Variants in CHIT1 observed in about 807,000 individuals in gnomAD.
The protein encoded by CHIT1 is chitotriosidase-1.
A neutral mutation model predicts 52.0 loss-of-function variants in CHIT1; 47 were observed. The observed-to-expected ratio is 0.90, with a 90% CI of 0.71 to 1.15. The LOEUF (loss-of-function observed/expected upper bound fraction) is 1.15, where lower values mean the gene tolerates loss of function less well. CHIT1 is among the 50% of genes most tolerant of loss of function. The pLI, the probability that CHIT1 is intolerant of heterozygous loss-of-function variation, is 0.00. For missense variants in CHIT1, 569 were observed against 583.0 expected (o/e 0.98, Z 0.25); for synonymous variants, 242 against 228.2 (o/e 1.06, Z -0.54).
intron 7 of CHIT1, among the ~76,000 whole-genome samples, chr1:203,221,744 G>A (rs958065734): frequency 6.6e-6 from 1 of 152,226 alleles, no homozygotes; most frequent in Non-Finnish European, 1.5e-5. Flanking sequence ...GGTGCTGGGA[G>A]TACTTCCACC....
At chr1:203,228,675 C>A in intron 1 of CHIT1, 113 bp from the exon 2 acceptor site, 1 of 1,242,404 alleles carries the variant, frequency 8.0e-7, no homozygotes, top group Non-Finnish European at 1.2e-6. Flanking sequence ...TCATACAAAT[C>A]AAGCTTTCTC....
In CHIT1 at chr1:203,223,620, AG is replaced by A. The variant is rs1656822281; in HGVS notation, c.354del (p.Phe119LeufsTer32). 1.2e-6 allele frequency: 2 copies of A among 1,614,224 alleles called. No individual in the cohort carries two copies. Among genetic ancestry groups the A allele is most frequent in the Non-Finnish European group, 1.7e-6 (2 of 1,180,034 alleles). The part of the protein sequence containing the change: ...DMVATANNRQ[T>X]FVNSAIRFLR... ...AGAAACCTGATGGCCGAGTTGACAA[AG>A]GTCTGACGGTTGTTGGCCGTGGCTA... On this transcript the variant is annotated frameshift_variant, in exon 5 of 11. Transcript: ENST00000367229. LOFTEE classifies it high-confidence loss of function.
rs142943229 is a variant in CHIT1, at chr1:203,218,096, G to A, written c.1030-231C>T. ...TTGTCTTAACGTAAGCATGACCTGGGGTGGGGTGGGTGCAGTCGGGAGGAA... is the reference window on the plus strand; with the variant it reads ...TTGTCTTAACGTAAGCATGACCTGGAGTGGGGTGGGTGCAGTCGGGAGGAA... On this transcript the variant is annotated intron_variant, in intron 9 of 10. Transcript: ENST00000367229. 1,368 of 1,492,518 alleles carry A rather than the reference G, an allele frequency of 9.2e-4. 4 individuals are homozygous for A. Among genetic ancestry groups the A allele is most frequent in the Non-Finnish European group, 1.1e-3 (1,275 of 1,120,810 alleles). 92.5% of individuals were successfully genotyped at this position (1,492,518 alleles called of 1,614,324 possible). A position where few individuals can be genotyped will look rare whatever the true frequency, so the allele number is the denominator to read the frequency against.
At chr1:203,226,463 G>A (rs1349110379) in intron 2 of CHIT1, among the ~76,000 whole-genome samples, 1 of 152,228 alleles carries the variant, frequency 6.6e-6, no homozygotes, top group Non-Finnish European at 1.5e-5. Flanking sequence ...AGAATACTTC[G>A]TTAAAATGCA....
chr1:203,216,999 G>A lies in CHIT1; in HGVS notation c.1291C>T (p.Pro431Ser), dbSNP rs1209749036. Residue 431 changes from proline (P) to serine (S), a missense_variant, in exon 11 of 11, where the codon CCT becomes TCT. Coordinates refer to ENST00000367229, the MANE Select transcript of CHIT1 (RefSeq NM_003465.3). ...QGKADGLYPN[P>S]RERSSFYSCA... ...CTGTAGAAGCTGGACCGTTCCCGAGGATTGGGATAGAGCCCATCAGCTTTG... is the reference window on the plus strand; with the variant it reads ...CTGTAGAAGCTGGACCGTTCCCGAGAATTGGGATAGAGCCCATCAGCTTTG... 1 of 1,614,182 alleles carries A rather than the reference G, an allele frequency of 6.2e-7. No individual in the cohort carries two copies. Among genetic ancestry groups the A allele is most frequent in the Non-Finnish European group, 8.5e-7 (1 of 1,180,000 alleles).
intron 7 of CHIT1, among the ~76,000 whole-genome samples, chr1:203,221,797 C>G (rs969628090): frequency 8.5e-5 from 13 of 152,212 alleles, no homozygotes; most frequent in African/African-American, 2.7e-4. Flanking sequence ...GGGAAAGCTC[C>G]TGTCCCTGAA....
intron 4 of CHIT1, among the ~76,000 whole-genome samples, chr1:203,224,454 C>G (rs1393475158): frequency 6.6e-6 from 1 of 152,058 alleles, no homozygotes; most frequent in Non-Finnish European, 1.5e-5. Flanking sequence ...CATCAGATTC[C>G]CAAAAGGGTT....
chr1:203,229,592 C>A lies in CHIT1; in HGVS notation c.25+20G>T, dbSNP rs755075956. 5 of 1,613,812 alleles carry A rather than the reference C, an allele frequency of 3.1e-6. No homozygotes were observed. The highest frequency in any genetic ancestry group is 4.2e-6 in the Non-Finnish European group (5 of 1,179,918). On this transcript the variant is annotated intron_variant, in intron 1 of 10. Coordinates refer to ENST00000367229, the MANE Select transcript of CHIT1 (RefSeq NM_003465.3). ...CCTCCCCACAGCTCCCGAGACCCAG[C>A]CCACTATCCGACGGCTCACCTGCCC...
At chr1:203,217,512 CA>C in intron 10 of CHIT1, 2 of 1,104,612 alleles carry the variant, frequency 1.8e-6, no homozygotes, top group Non-Finnish European at 2.6e-6. Flanking sequence ...ACGGTTACAA[CA>C]ACCCTGGGCA....
At position 203,216,683 on chromosome 1, in the gene CHIT1, C is replaced by T; in HGVS notation, c.*206G>A. 1.4e-6 allele frequency: 1 copy of T among 700,248 alleles called. No homozygotes were observed. Among genetic ancestry groups the T allele is most frequent in the South Asian group, 1.5e-5 (1 of 67,296 alleles). 43.4% of individuals were successfully genotyped at this position (700,248 alleles called of 1,614,324 possible). On this transcript the variant is annotated 3_prime_UTR_variant, in exon 11 of 11. Transcript: ENST00000367229. ...CATCTTTGGGAAGAGGGGCACAAAC[C>T]AAAGATTTATTTTGCAAGTGAAAGG...
chr1:203,222,325 C>A lies in CHIT1; in HGVS notation c.606G>T (p.Gln202His), dbSNP rs763202373. 6.2e-7 allele frequency: 1 copy of A among 1,614,174 alleles called. No homozygotes were observed. The highest frequency in any genetic ancestry group is 1.1e-5 in the South Asian group (1 of 91,084). Residue 202 changes from glutamine (Q) to histidine (H), a missense_variant and splice_region_variant, in exon 7 of 11, where the codon CAG becomes CAT. Transcript: ENST00000367229. The stretch of plus-strand genomic sequence containing the variant: ...CCATAAGGTTGACAAAATCCAGGTT[C>A]CTGCAGGAGGCATGGAAGAGGAGGT... ...DAGYEVDKIA[Q>H]NLDFVNLMAY...
intron 2 of CHIT1, 142 bp from the exon 3 acceptor site, chr1:203,226,012 G>T: frequency 2.2e-6 from 2 of 907,322 alleles, no homozygotes; most frequent in Non-Finnish European, 3.5e-6. Flanking sequence ...AGGCAGAAAT[G>T]GCATTTGCTT....
At chr1:203,223,690 G>T in intron 4 of CHIT1, 30 bp from the exon 5 acceptor site, 3 of 1,612,914 alleles carry the variant, frequency 1.9e-6, no homozygotes, top group Non-Finnish European at 2.5e-6. Context: ...AGTAAGGGCC[G>T]GCCTTGGACC....
rs1283585718 is a variant in CHIT1, at chr1:203,223,266, GA to G, written c.481-8del. On this transcript the variant is annotated splice_polypyrimidine_tract_variant and splice_region_variant and intron_variant, in intron 5 of 10. Transcript: ENST00000367229. ...GGAAGGCATTGGCCAAGTCCTGTGG[GA>G]GTGGAGCTCAGAGTCAACACAGGGG... 2 of 1,614,166 alleles carry G rather than the reference GA, an allele frequency of 1.2e-6. No homozygotes were observed. Among genetic ancestry groups the G allele is most frequent in the Non-Finnish European group, 1.7e-6 (2 of 1,180,030 alleles).
chr1:203,229,790 G>T, upstream of CHIT1: 1 of 857,600 alleles, frequency 1.2e-6, no homozygotes, highest in Non-Finnish European at 1.9e-6. Context: ...GGGGTAAGAT[G>T]TCAAGCAGCA....
At chr1:203,221,642 T>A (rs994443323) in intron 7 of CHIT1, among the ~76,000 whole-genome samples, 1 of 151,800 alleles carries the variant, frequency 6.6e-6, no homozygotes, top group Admixed American at 6.6e-5. Flanking sequence ...TATATAAAAT[T>A]AAAAAAAATT....
rs958369656 is a variant in CHIT1 at position 203,229,659 on chromosome 1, C to A, written c.-23G>T. ...CATGATGCAGCTCAGCGGCAGGCTGCAGCCCATACAAACCAGCTTTCCAGG... is the reference window on the plus strand; with the variant it reads ...CATGATGCAGCTCAGCGGCAGGCTGAAGCCCATACAAACCAGCTTTCCAGG... On this transcript the variant is annotated 5_prime_UTR_variant, in exon 1 of 11. Coordinates refer to ENST00000367229, the MANE Select transcript of CHIT1 (RefSeq NM_003465.3). 9 of 1,613,702 alleles carry A rather than the reference C, an allele frequency of 5.6e-6. No individual in the cohort carries two copies. In the Admixed American group the frequency reaches 8.3e-5, roughly 15 times the overall value.
intron 1 of CHIT1, 57 bp downstream of exon 1, chr1:203,229,555 T>C: frequency 1.2e-6 from 2 of 1,604,450 alleles, no homozygotes; most frequent in South Asian, 1.1e-5. Context: ...TCCCTGAACA[T>C]CCACATCCCC....
chr1:203,228,164 T>C (rs533107339), intron 2 of CHIT1, among the ~76,000 whole-genome samples: 27 of 151,912 alleles, frequency 1.8e-4, no homozygotes, highest in Non-Finnish European at 2.1e-4. Flanking sequence ...CAACTTGGAG[T>C]CTGAGACTGG....
Sources: allele counts gnomAD v4.1 joint callset (sites outside exome capture counted in the v4.1 genomes callset), GRCh38; gene constraint gnomAD v4.1.1; transcripts MANE v1.5; gene names NCBI Gene and HGNC (gene_info 2026-07-23, HGNC 2026-07-21).